Variants in FSTL5 observed in about 807,000 individuals in gnomAD.
The protein encoded by FSTL5 is follistatin like 5, also known as follistatin-related protein 5.
In FSTL5, 62 loss-of-function variants were observed where a neutral mutation model predicts 89.1. The observed-to-expected ratio is 0.70, with a 90% CI of 0.57 to 0.86. The LOEUF is 0.86. Among genes scored for constraint, FSTL5 ranks in the 40% least tolerant of loss-of-function variants. FSTL5 has a pLI of 0.00. For missense variants in FSTL5, 1,057 were observed against 1,001.6 expected (o/e 1.06, Z -0.75); for synonymous variants, 383 against 346.2 (o/e 1.11, Z -1.18).
intron 6 of FSTL5, among the ~76,000 whole-genome samples, chr4:161,698,453 C>T (rs1023965868): frequency 1.3e-5 from 2 of 152,256 alleles, no homozygotes; most frequent in African/African-American, 4.8e-5. Context: ...ACTACATAGA[C>T]TTGTGACTAT....
intron 6 of FSTL5, among the ~76,000 whole-genome samples, chr4:161,657,473 C>T (rs940095661): frequency 6.6e-6 from 1 of 152,080 alleles, no homozygotes; most frequent in Non-Finnish European, 1.5e-5. Context: ...AATAATTGTC[C>T]TCTGTCCCCT....
At chr4:161,588,173 C>A in intron 7 of FSTL5, among the ~76,000 whole-genome samples, 1 of 151,714 alleles carries the variant, frequency 6.6e-6, no homozygotes, top group African/African-American at 2.4e-5. Context: ...GACTCTGTCT[C>A]TAAATAAATA....
intron 2 of FSTL5, among the ~76,000 whole-genome samples, chr4:162,078,682 C>A (rs1729967096): frequency 6.6e-6 from 1 of 151,766 alleles, no homozygotes; most frequent in Non-Finnish European, 1.5e-5. Flanking sequence ...ATCAAAGAAC[C>A]TTTTCATTGA....
chr4:161,802,818 A>T (rs1729840736), intron 4 of FSTL5, among the ~76,000 whole-genome samples: 1 of 151,848 alleles, frequency 6.6e-6, no homozygotes, highest in Non-Finnish European at 1.5e-5. Flanking sequence ...AGAATAAAAG[A>T]ATGCCTCCTG....
At chr4:161,525,789 A>G (rs1731199338) in intron 10 of FSTL5, among the ~76,000 whole-genome samples, 1 of 152,160 alleles carries the variant, frequency 6.6e-6, no homozygotes, top group African/African-American at 2.4e-5. Flanking sequence ...CTATTTTTTC[A>G]TATCTCACCA....
chr4:161,592,618 G>A (rs1423495708), intron 7 of FSTL5, among the ~76,000 whole-genome samples: 2 of 152,108 alleles, frequency 1.3e-5, no homozygotes, highest in Non-Finnish European at 2.9e-5. Flanking sequence ...CTTTTCTATG[G>A]CTGCATAGTA....
intron 3 of FSTL5, among the ~76,000 whole-genome samples, chr4:162,004,071 C>G (rs17537555): frequency 0.06 from 9,120 of 152,188 alleles, 365 homozygotes; most frequent in Non-Finnish European, 0.093. Context: ...AGCAACCTCT[C>G]CATATTGTGT....
Position 161,608,597 on chromosome 4 carries a change from CGAT to C in FSTL5, c.895-21025_895-21023del, listed in dbSNP as rs777233191. Among the ~76,000 whole-genome samples the C allele has an allele frequency of 4.3e-4, 65 of 151,304 alleles. No individual in the cohort carries two copies. The Middle Eastern group carries it at 0.01, about 24-fold the overall frequency. On this transcript the variant is annotated intron_variant, in intron 7 of 15. Coordinates refer to ENST00000306100, the MANE Select transcript of FSTL5 (RefSeq NM_020116.5). ...TACACATTTCTAAAATTACAAAAAA[CGAT>C]AAAGAAAAATCATGACTATGAATCT...
intron 4 of FSTL5, among the ~76,000 whole-genome samples, chr4:161,809,215 T>A (rs992299339): frequency 2.6e-5 from 4 of 152,068 alleles, no homozygotes; most frequent in Admixed American, 2.0e-4. Context: ...CGAGACTCCA[T>A]CTCAAAACAA....
intron 1 of FSTL5, among the ~76,000 whole-genome samples, chr4:162,146,723 C>T (rs1053037027): frequency 1.4e-5 from 2 of 138,794 alleles, no homozygotes; most frequent in African/African-American, 5.3e-5. Flanking sequence ...TCCCCTTCCC[C>T]TTCCTTCCCT....
chr4:161,846,160 G>A (rs1731363345), intron 4 of FSTL5, among the ~76,000 whole-genome samples: 1 of 151,894 alleles, frequency 6.6e-6, no homozygotes, highest in African/African-American at 2.4e-5. Flanking sequence ...GACATTTCTG[G>A]TTTATAATGT....
At chr4:161,594,256 TA>T (rs1733930828) in intron 7 of FSTL5, among the ~76,000 whole-genome samples, 1 of 152,036 alleles carries the variant, frequency 6.6e-6, no homozygotes, top group African/African-American at 2.4e-5. Context: ...TTAAAAACAA[TA>T]GTGAAAATTC....
intron 1 of FSTL5, among the ~76,000 whole-genome samples, chr4:162,130,942 A>G (rs1732279661): frequency 6.6e-6 from 1 of 152,146 alleles, no homozygotes; most frequent in South Asian, 2.1e-4. Context: ...AACATATTAG[A>G]TATGTGAAGA....
At chr4:161,924,172 G>T (rs1013832566) in intron 3 of FSTL5, among the ~76,000 whole-genome samples, 7 of 151,404 alleles carry the variant, frequency 4.6e-5, no homozygotes, top group African/African-American at 1.7e-4. Context: ...CCTAAAAAAG[G>T]ATTATATATT....
intron 5 of FSTL5, among the ~76,000 whole-genome samples, chr4:161,769,207 T>C (rs1074661): frequency 0.21 from 31,819 of 151,742 alleles, 6,136 homozygotes; most frequent in African/African-American, 0.51. Context: ...AAAAATTCCT[T>C]CAGCAAAAAT....
chr4:161,687,459 TG>T (rs1737785972), intron 6 of FSTL5, among the ~76,000 whole-genome samples: 1 of 152,256 alleles, frequency 6.6e-6, no homozygotes, highest in African/African-American at 2.4e-5. Flanking sequence ...AAATTTATTA[TG>T]TTTTTTGCAT....
Position 161,799,646 on chromosome 4 carries a change from A to G in FSTL5, c.410-23572T>C, listed in dbSNP as rs1158684888. Among the ~76,000 whole-genome samples the G allele has an allele frequency of 3.3e-5, 5 of 151,760 alleles. No homozygotes were observed. In the South Asian group the frequency reaches 6.2e-4, roughly 19 times the overall value. Reference sequence around the variant, plus strand: ...ATCTAATGTATACAAGAAGATAACAACAGCCAATTAAAATTAATATTCAAG... The same window carrying G: ...ATCTAATGTATACAAGAAGATAACAGCAGCCAATTAAAATTAATATTCAAG... On this transcript the variant is annotated intron_variant, in intron 4 of 15. Transcript: ENST00000306100.
intron 12 of FSTL5, among the ~76,000 whole-genome samples, chr4:161,487,240 T>C (rs1578871771): frequency 6.6e-6 from 1 of 152,294 alleles, no homozygotes; most frequent in East Asian, 1.9e-4. Flanking sequence ...ATATCACTTA[T>C]AATAGCCAAA....
At chr4:161,845,551 T>C (rs1187955566) in intron 4 of FSTL5, among the ~76,000 whole-genome samples, 1 of 152,246 alleles carries the variant, frequency 6.6e-6, no homozygotes, top group Non-Finnish European at 1.5e-5. Context: ...AGCATATTTA[T>C]AACCTCTGAA....
Sources: gnomAD v4.1 joint callset for allele counts (sites outside exome capture counted in the v4.1 genomes callset) on GRCh38, gnomAD v4.1.1 for gene constraint, MANE v1.5 for transcripts, NCBI Gene and HGNC (gene_info 2026-07-23, HGNC 2026-07-21) for gene names.